NALCN: variants seen among roughly 807,000 people sequenced by gnomAD.
NALCN encodes the protein sodium leak channel NALCN.
NALCN carries 111 observed loss-of-function variants against 225.3 expected under a neutral mutation model. The observed-to-expected ratio is 0.49, with a 90% confidence interval of 0.42 to 0.58. The LOEUF is 0.58. NALCN is among the 20% of genes least tolerant of loss of function. The pLI is 0.00. For synonymous variants in NALCN, 764 were observed against 769.0 expected (o/e 0.99, Z 0.11); for missense variants, 1,378 against 2,202.4 (o/e 0.63, Z 7.49).
chr13:101,103,589 C>T (rs564092332), intron 25 of NALCN, among the ~76,000 whole-genome samples: 4 of 152,068 alleles, frequency 2.6e-5, no homozygotes, highest in South Asian at 4.2e-4. Context: ...TACACCAGTG[C>T]GTTCTGCCTC....
intron 6 of NALCN, among the ~76,000 whole-genome samples, chr13:101,374,720 G>A (rs888379504): frequency 6.6e-6 from 1 of 152,146 alleles, no homozygotes; most frequent in East Asian, 1.9e-4. Flanking sequence ...ATGTTTTGAA[G>A]TTACTGAATA....
intron 1 of NALCN, among the ~76,000 whole-genome samples, chr13:101,410,663 C>G (rs2047754555): frequency 1.3e-5 from 2 of 151,998 alleles, no homozygotes; most frequent in Admixed American, 1.3e-4. Flanking sequence ...AGAAAGGAAG[C>G]AAAACGATAT....
At chr13:101,369,166 A>ATGTGTGTGTGTGTGTGTGTGTGTGTG (rs56739782) in intron 6 of NALCN, among the ~76,000 whole-genome samples, 3 of 146,338 alleles carry the variant, frequency 2.1e-5, no homozygotes, top group Non-Finnish European at 4.5e-5. Flanking sequence ...GACAAAATAA[A>ATGTGTGTGTGTGTGTGTGTGTGTGTG]TGTGTGTGTG....
At chr13:101,340,347 G>C (rs890528152) in intron 7 of NALCN, among the ~76,000 whole-genome samples, 2 of 152,156 alleles carry the variant, frequency 1.3e-5, no homozygotes, top group African/African-American at 4.8e-5. Context: ...AACCTGCATA[G>C]TTAATGTCTG....
Position 101,081,472 on chromosome 13 carries a change from A to C in NALCN, c.3885+55T>G, listed in dbSNP as rs994499825. On this transcript the variant is annotated intron_variant, in intron 34 of 43. Coordinates refer to ENST00000251127, the MANE Select transcript of NALCN (RefSeq NM_052867.4). The stretch of plus-strand genomic sequence containing the variant: ...AATGAGACTGGAAACAGGACTGAGC[A>C]GAACTGAACCAAACTGAAATAATCA... 1.4e-5 allele frequency: 22 copies of C among 1,611,906 alleles called. No individual in the cohort carries two copies. The African/African-American group carries it at 2.8e-4, about 21-fold the overall frequency.
chr13:101,153,786 C>T (rs554066503), intron 15 of NALCN, among the ~76,000 whole-genome samples: 66 of 152,328 alleles, frequency 4.3e-4, no homozygotes, highest in African/African-American at 1.5e-3. Flanking sequence ...TTAAACCAAT[C>T]TTTTAGAACA....
At chr13:101,309,847 A>G (rs1230178320) in intron 7 of NALCN, among the ~76,000 whole-genome samples, 2 of 152,294 alleles carry the variant, frequency 1.3e-5, no homozygotes, top group East Asian at 3.9e-4. Flanking sequence ...AAAAAATTCT[A>G]CCAGCTATAG....
At chr13:101,342,909 G>T (rs1391786649) in intron 7 of NALCN, among the ~76,000 whole-genome samples, 1 of 152,038 alleles carries the variant, frequency 6.6e-6, no homozygotes, top group Admixed American at 6.6e-5. Context: ...AGCTACTTCT[G>T]CCAGAAATTT....
intron 10 of NALCN, among the ~76,000 whole-genome samples, chr13:101,283,614 C>T (rs1373676507): frequency 6.6e-6 from 1 of 152,052 alleles, no homozygotes; most frequent in Non-Finnish European, 1.5e-5. Context: ...ATGAATTTGC[C>T]CACTGCCACA....
intron 18 of NALCN, among the ~76,000 whole-genome samples, chr13:101,115,820 A>G (rs2035681591): frequency 6.6e-6 from 1 of 152,186 alleles, no homozygotes; most frequent in Non-Finnish European, 1.5e-5. Flanking sequence ...GGTTTTTAAC[A>G]TCTTCCCTAG....
chr13:101,144,851 A>C lies in NALCN; in HGVS notation c.1885T>G (p.Leu629Val), dbSNP rs2037267135. The C allele has an allele frequency of 6.2e-7, 1 of 1,613,416 alleles. No individual in the cohort carries two copies. Among genetic ancestry groups the C allele is most frequent in the Non-Finnish European group, 8.5e-7 (1 of 1,179,710 alleles). The change falls in exon 16 of 44, where the codon TTA becomes GTA. Residue 629 changes from leucine (L) to valine (V), a missense_variant. This residue lies in a region of NALCN where 62 missense variants were observed against 143.6 expected (regional missense o/e 0.43). Transcript: ENST00000251127. ...ANADTKEKLP[L>V]RLRIFEKFPN... ...AATTTTTCAAAGATTCGCAGGCGTAAAGGGAGCTTTTCTTTGGTGTCCGCA... is the reference window on the plus strand; with the variant it reads ...AATTTTTCAAAGATTCGCAGGCGTACAGGGAGCTTTTCTTTGGTGTCCGCA...
intron 7 of NALCN, among the ~76,000 whole-genome samples, chr13:101,341,463 A>G (rs1221788482): frequency 6.6e-6 from 1 of 152,006 alleles, no homozygotes; most frequent in Non-Finnish European, 1.5e-5. Context: ...TTTAGCTTTG[A>G]TTTCCAACAA....
At chr13:101,257,061 CCTT>C (rs2042256153) in intron 11 of NALCN, among the ~76,000 whole-genome samples, 1 of 152,174 alleles carries the variant, frequency 6.6e-6, no homozygotes, top group Admixed American at 6.5e-5. Flanking sequence ...CCATACCCGA[CCTT>C]CTCTCTGCTT....
chr13:101,392,707 A>T (rs1192723703), intron 3 of NALCN, among the ~76,000 whole-genome samples: 2 of 152,220 alleles, frequency 1.3e-5, no homozygotes, highest in African/African-American at 2.4e-5. Context: ...TAAAAATTAC[A>T]AAGAAAAAGA....
intron 25 of NALCN, among the ~76,000 whole-genome samples, chr13:101,103,729 G>A (rs1240647834): frequency 6.6e-6 from 1 of 152,094 alleles, no homozygotes; most frequent in Non-Finnish European, 1.5e-5. Context: ...TCTCCTTGTT[G>A]TCTCTGCAAA....
chr13:101,389,867 A>C (rs190527615), intron 3 of NALCN, among the ~76,000 whole-genome samples: 124 of 152,348 alleles, frequency 8.1e-4, no homozygotes, highest in African/African-American at 2.7e-3. Context: ...GAATCACCTG[A>C]GGTCAGGAGT....
At chr13:101,293,838 C>A (rs2043637547) in intron 7 of NALCN, among the ~76,000 whole-genome samples, 1 of 152,186 alleles carries the variant, frequency 6.6e-6, no homozygotes, top group Admixed American at 6.5e-5. Context: ...AATATACTTT[C>A]TATAGAATAT....
intron 6 of NALCN, among the ~76,000 whole-genome samples, chr13:101,353,842 T>C (rs2045974146): frequency 6.6e-6 from 1 of 152,202 alleles, no homozygotes; most frequent in Admixed American, 6.5e-5. Flanking sequence ...TAAGTGACAA[T>C]GCAGTACATG....
At chr13:101,158,645 A>G (rs1429697258) in intron 15 of NALCN, among the ~76,000 whole-genome samples, 2 of 152,210 alleles carry the variant, frequency 1.3e-5, no homozygotes, top group Admixed American at 6.5e-5. Flanking sequence ...GGAAGATGCC[A>G]GCTTCCTTTC....
Sources: allele counts gnomAD v4.1 joint callset (sites outside exome capture counted in the v4.1 genomes callset), GRCh38; gene constraint gnomAD v4.1.1; regional missense constraint gnomAD v4.1.1; transcripts MANE v1.5; gene names NCBI Gene and HGNC (gene_info 2026-07-23, HGNC 2026-07-21).